CIMIP2B: variants seen among roughly 807,000 people sequenced by gnomAD.
CIMIP2B encodes family with sequence similarity 166 member B.
chr9:35,562,715 C>T, the CIMIP2B span: 1 of 1,613,540 alleles, frequency 6.2e-7, no homozygotes, highest in Non-Finnish European at 8.5e-7. Context: ...GAGAGAAGCC[C>T]CTGTGCTGTC....
the CIMIP2B span, chr9:35,563,135 G>A: frequency 6.2e-7 from 1 of 1,612,610 alleles, no homozygotes; most frequent in South Asian, 1.1e-5. Flanking sequence ...ATGCTCCTGG[G>A]AGGGGCACCT....
the CIMIP2B span, chr9:35,562,903 T>A: frequency 6.2e-7 from 1 of 1,613,984 alleles, no homozygotes; most frequent in East Asian, 2.2e-5. Flanking sequence ...TGTCGGCTCC[T>A]CCAGCTGCCC....
At chr9:35,562,852 C>T in the CIMIP2B span, 1 of 1,613,808 alleles carries the variant, frequency 6.2e-7, no homozygotes, top group Non-Finnish European at 8.5e-7. Context: ...CCTCTGCACT[C>T]CCCACCAGCT....
At chr9:35,563,484 T>C in the CIMIP2B span, 1 of 985,374 alleles carries the variant, frequency 1.0e-6, no homozygotes, top group South Asian at 1.5e-5. Flanking sequence ...CTTTCTGGAC[T>C]CAGCAGTGTA....
chr9:35,562,093 A>G, the CIMIP2B span: 1 of 1,531,216 alleles, frequency 6.5e-7, no homozygotes, highest in Non-Finnish European at 8.7e-7. Context: ...TGGAACTTAT[A>G]CCCTGTGTGG....
the CIMIP2B span, chr9:35,562,198 C>T: frequency 2.9e-6 from 3 of 1,047,350 alleles, no homozygotes; most frequent in African/African-American, 1.6e-5. Context: ...TAAAATCTGG[C>T]CCTAATTCCC....
the CIMIP2B span, chr9:35,562,813 G>A: frequency 4.9e-5 from 79 of 1,609,954 alleles, 1 homozygote; most frequent in South Asian, 5.8e-4. Context: ...CCCACTGCCC[G>A]GACACACAGT....
At chr9:35,563,249 C>A in the CIMIP2B span, 2 of 1,613,888 alleles carry the variant, frequency 1.2e-6, no homozygotes, top group Middle Eastern at 1.6e-4. Context: ...CTCAGGAGAT[C>A]TTGGAGGCCG....
chr9:35,562,476 G>A, the CIMIP2B span: 4 of 1,585,016 alleles, frequency 2.5e-6, no homozygotes, highest in Non-Finnish European at 3.4e-6. Flanking sequence ...GCACTGCCTG[G>A]TGAGTGCTTC....
At chr9:35,563,194 G>A in the CIMIP2B span, 1 of 1,614,034 alleles carries the variant, frequency 6.2e-7, no homozygotes, top group South Asian at 1.1e-5. Context: ...TGCTGGAGCT[G>A]AGCCTTTCTT....
At chr9:35,563,070 G>C in the CIMIP2B span, 7 of 1,613,848 alleles carry the variant, frequency 4.3e-6, no homozygotes, top group African/African-American at 6.7e-5. Flanking sequence ...ACTGTGCCCG[G>C]GGTACAAAAC....
the CIMIP2B span, chr9:35,562,332 AC>A: frequency 3.3e-5 from 15 of 454,908 alleles, no homozygotes; most frequent in Non-Finnish European, 4.3e-5. Flanking sequence ...CCATACCCAT[AC>A]AAACAAACAT....
At chr9:35,562,343 T>C in the CIMIP2B span, 84 of 1,176,986 alleles carry the variant, frequency 7.1e-5, no homozygotes, top group South Asian at 1.2e-3. Flanking sequence ...CAAACAAACA[T>C]TCCAGTCCCC....
At chr9:35,561,964 C>G in the CIMIP2B span, 6 of 549,782 alleles carry the variant, frequency 1.1e-5, no homozygotes, top group East Asian at 7.9e-5. Context: ...AAAAGGATGG[C>G]TGGGATAGGA....
At chr9:35,562,448 A>G in the CIMIP2B span, 1 of 1,577,126 alleles carries the variant, frequency 6.3e-7, no homozygotes, top group Non-Finnish European at 8.6e-7. Context: ...AAGTGGGGGG[A>G]GATGTTTGGG....
the CIMIP2B span, chr9:35,561,927 AC>A: frequency 3.1e-5 from 6 of 192,550 alleles, no homozygotes; most frequent in Admixed American, 1.3e-4. Flanking sequence ...CCACCCTCCC[AC>A]CCTCCCACCC....
At chr9:35,562,014 A>T in the CIMIP2B span, 22 of 1,482,464 alleles carry the variant, frequency 1.5e-5, no homozygotes, top group Middle Eastern at 1.9e-4. Context: ...GGCCTAAGCC[A>T]AGAGCTGCTT....
At chr9:35,562,948 T>C in the CIMIP2B span, 2 of 1,614,030 alleles carry the variant, frequency 1.2e-6, no homozygotes, top group South Asian at 1.1e-5. Context: ...CTCTGTGTCC[T>C]TTCTTCCCTT....
chr9:35,562,780 A>G, the CIMIP2B span: 5 of 1,609,026 alleles, frequency 3.1e-6, no homozygotes, highest in African/African-American at 1.3e-5. Flanking sequence ...CCCTGAACCC[A>G]CAGCCACACT....
Sources: allele counts gnomAD v4.1 joint callset, GRCh38; gene constraint gnomAD v4.1.1; transcripts MANE v1.5; gene names NCBI Gene and HGNC (gene_info 2026-07-23, HGNC 2026-07-21).